Variants in CDS2 observed in about 807,000 individuals in gnomAD.
The protein encoded by CDS2 is CDP-diacylglycerol synthase 2, also known as phosphatidate cytidylyltransferase 2.
CDS2 carries 47 observed loss-of-function variants against 59.0 expected under a neutral mutation model. That is an observed-to-expected ratio of 0.80 (90% CI 0.63 to 1.02). The LOEUF (loss-of-function observed/expected upper bound fraction) is 1.02, where lower values mean the gene tolerates loss of function less well. Ranked by LOEUF, CDS2 falls within the 50% of genes least tolerant of loss-of-function variation. CDS2 has a pLI of 0.00. For synonymous variants in CDS2, 207 were observed against 206.4 expected (o/e 1.00, Z -0.02); for missense variants, 356 against 558.9 (o/e 0.64, Z 3.66).
chr20:5,144,468 A>T (rs925906633), intron 1 of CDS2, among the ~76,000 whole-genome samples: 1 of 152,088 alleles, frequency 6.6e-6, no homozygotes, highest in Admixed American at 6.5e-5. Context: ...GTTCCTGTGG[A>T]GCTCCCTGAA....
At chr20:5,146,763 A>G (rs1455193957) in intron 1 of CDS2, among the ~76,000 whole-genome samples, 4 of 152,240 alleles carry the variant, frequency 2.6e-5, no homozygotes, top group Non-Finnish European at 5.9e-5. Flanking sequence ...GCAAATGACC[A>G]AAAACTAAAT....
chr20:5,128,075 G>GTT (rs1349509901), intron 1 of CDS2: 1 of 152,238 alleles, frequency 6.6e-6, no homozygotes, highest in Non-Finnish European at 1.5e-5. Flanking sequence ...ACCTGTAGAT[G>GTT]TTTTCTTTGG....
intron 3 of CDS2, 88 bp from the exon 4 acceptor site, chr20:5,176,560 G>T: frequency 1.0e-6 from 1 of 983,406 alleles, no homozygotes; most frequent in Non-Finnish European, 1.6e-6. Flanking sequence ...TAAGTATAAT[G>T]GGTTTTCTGG....
chr20:5,181,147 C>T (rs1413472478), intron 5 of CDS2, among the ~76,000 whole-genome samples: 4 of 152,154 alleles, frequency 2.6e-5, no homozygotes, highest in East Asian at 1.9e-4. Flanking sequence ...CAAGCTGATA[C>T]GGGGTCGGTA....
At position 5,193,196 on chromosome 20, in the gene CDS2, G is replaced by A. The variant is rs1004355970; in HGVS notation, c.*2962G>A. On this transcript the variant is annotated 3_prime_UTR_variant, in exon 13 of 13. Coordinates refer to ENST00000460006, the MANE Select transcript of CDS2 (RefSeq NM_003818.4). ...CATGCTGCCCTCTTAACTGCTTTTA[G>A]TATTCAGAAAGGTTCCATTTATGTT... is the stretch of plus-strand genomic sequence containing the variant. 7.2e-5 allele frequency: 11 copies of A among 152,204 alleles called. No individual in the cohort carries two copies. Among genetic ancestry groups the A allele is most frequent in the African/African-American group, 2.2e-4 (9 of 41,438 alleles). The allele number at this position is 152,204 out of a possible 1,614,324, so 9.4% of individuals were successfully genotyped here. A position where few individuals can be genotyped will look rare whatever the true frequency, so the allele number is the denominator to read the frequency against.
chr20:5,166,902 C>CGGGG (rs2090917249), intron 1 of CDS2, among the ~76,000 whole-genome samples: 4 of 152,118 alleles, frequency 2.6e-5, no homozygotes, highest in Non-Finnish European at 5.9e-5. Context: ...GAGGTTTACC[C>CGGGG]ATGAAGTGGG....
rs1425325553 is a variant in CDS2 at position 5,184,178 on chromosome 20, A to G, written c.672-680A>G. Among the ~76,000 whole-genome samples, 2 of 152,134 alleles carry G rather than the reference A, an allele frequency of 1.3e-5. No homozygotes were observed. Among genetic ancestry groups the G allele is most frequent in the Non-Finnish European group, 2.9e-5 (2 of 68,014 alleles). On this transcript the variant is annotated intron_variant, in intron 7 of 12. Coordinates refer to ENST00000460006, the MANE Select transcript of CDS2 (RefSeq NM_003818.4). The surrounding 1 kb of genome is among the most constrained non-coding windows in gnomAD (Gnocchi z 4.3). ...CTCAAAAACAAAAACAGAAACAAAC[A>G]AACAAACCTGTAATCAAAGAACTTT...
intron 1 of CDS2, among the ~76,000 whole-genome samples, chr20:5,158,326 C>G (rs531259663): frequency 6.6e-6 from 1 of 152,030 alleles, no homozygotes; most frequent in Admixed American, 6.6e-5. Flanking sequence ...CCTGCCACCA[C>G]GCCCAGCTAA....
intron 3 of CDS2, 40 bp from the exon 4 acceptor site, chr20:5,176,608 A>G (rs752698168): frequency 3.3e-6 from 5 of 1,510,538 alleles, no homozygotes; most frequent in African/African-American, 1.4e-5. Flanking sequence ...TCCAAAAATC[A>G]TAAGAATTGG....
chr20:5,167,544 A>G (rs2090922013), intron 1 of CDS2, among the ~76,000 whole-genome samples: 1 of 152,158 alleles, frequency 6.6e-6, no homozygotes, highest in Admixed American at 6.5e-5. Flanking sequence ...ATATATGTAT[A>G]TATATGTATA....
chr20:5,171,958 G>T (rs771135015), intron 1 of CDS2, among the ~76,000 whole-genome samples: 2 of 152,204 alleles, frequency 1.3e-5, no homozygotes, highest in African/African-American at 2.4e-5. Context: ...GTCTGCACTA[G>T]GCGAGGCCCT....
chr20:5,175,109 C>A, intron 2 of CDS2, 74 bp from the exon 3 acceptor site: 1 of 1,050,144 alleles, frequency 9.5e-7, no homozygotes, highest in Non-Finnish European at 1.5e-6. Context: ...AGATCCATAT[C>A]CCTTGAGTTT....
chr20:5,162,117 A>AT (rs1375594741), intron 1 of CDS2, among the ~76,000 whole-genome samples: 1 of 152,178 alleles, frequency 6.6e-6, no homozygotes, highest in Non-Finnish European at 1.5e-5. Flanking sequence ...TAGTTTATGG[A>AT]TTTTTAGGAG....
intron 9 of CDS2, 123 bp from the exon 10 acceptor site, chr20:5,186,564 C>A: frequency 2.4e-6 from 2 of 839,734 alleles, no homozygotes; most frequent in Non-Finnish European, 3.9e-6. Flanking sequence ...AACCTCTGAG[C>A]ACATAGCTCG....
intron 1 of CDS2, among the ~76,000 whole-genome samples, chr20:5,168,396 C>T (rs1325481329): frequency 8.0e-6 from 1 of 124,362 alleles, no homozygotes; most frequent in Non-Finnish European, 1.6e-5. Flanking sequence ...GCCTGGATGA[C>T]AGAGCAAGAC....
intron 1 of CDS2, among the ~76,000 whole-genome samples, chr20:5,161,307 T>TA (rs1464565454): frequency 1.3e-5 from 2 of 152,246 alleles, no homozygotes; most frequent in Non-Finnish European, 2.9e-5. Context: ...AATAAATACA[T>TA]AAATTCACTT....
At position 5,190,316 on chromosome 20, in the gene CDS2, CAATGACGAGGCTTCAACTCA is replaced by C; in HGVS notation, c.*83_*102del. ...GCAAGCCCAGCTGGTGTGACTTAGA[CAATGACGAGGCTTCAACTCA>C]CTGTCTTTTTTTTTTTTTTTTGGAG... is the stretch of plus-strand genomic sequence containing the variant. On this transcript the variant is annotated 3_prime_UTR_variant, in exon 13 of 13. Coordinates refer to ENST00000460006, the MANE Select transcript of CDS2 (RefSeq NM_003818.4). The C allele has an allele frequency of 8.8e-7, 1 of 1,142,060 alleles. No homozygotes were observed. The highest frequency in any genetic ancestry group is 1.2e-6 in the Non-Finnish European group (1 of 815,528). 70.7% of individuals were successfully genotyped at this position (1,142,060 alleles called of 1,614,324 possible).
Position 5,183,073 on chromosome 20 carries a change from C to A in CDS2, c.601C>A (p.His201Asn). 1.9e-6 allele frequency: 3 copies of A among 1,613,940 alleles called. No homozygotes were observed. The highest frequency in any genetic ancestry group is 1.7e-6 in the Non-Finnish European group (2 of 1,179,822). Residue 201 changes from histidine (H) to asparagine (N), a missense_variant, in exon 7 of 13, where the codon CAT (histidine) becomes AAT (asparagine). Physicochemically the swap from His to Asn is moderately conservative, Grantham distance 68. This residue lies in a region of CDS2 where 87 missense variants were observed against 193.3 expected (regional missense o/e 0.45). Transcript: ENST00000460006. Reference protein sequence around the residue: ...RLQFYMFGWTHVTLLIVVTQS... With the variant: ...RLQFYMFGWTNVTLLIVVTQS... ...CTTTTTTTTGCAGTTTGGCTGGACC[C>A]ATGTGACATTGCTGATTGTTGTAAC...
At chr20:5,155,681 C>G (rs1363536270) in intron 1 of CDS2, among the ~76,000 whole-genome samples, 1 of 152,216 alleles carries the variant, frequency 6.6e-6, no homozygotes, top group Non-Finnish European at 1.5e-5. Flanking sequence ...AATCCCTTCT[C>G]TCTTAGCTTA....
Sources: gnomAD v4.1 joint callset for allele counts (sites outside exome capture counted in the v4.1 genomes callset) on GRCh38, gnomAD v4.1.1 for gene constraint, gnomAD v4.1.1 regional missense constraint, Gnocchi (gnomAD v3.1) non-coding constraint, MANE v1.5 for transcripts, NCBI Gene and HGNC (gene_info 2026-07-23, HGNC 2026-07-21) for gene names.